Variants in BCAT1 observed in about 807,000 individuals in gnomAD.
The protein encoded by BCAT1 is branched-chain-amino-acid aminotransferase, cytosolic.
In BCAT1, 48 loss-of-function variants were observed where a neutral mutation model predicts 52.4. The ratio of observed to expected loss-of-function variants is 0.92; its 90% confidence interval spans 0.73 to 1.16. BCAT1 has a LOEUF of 1.16. Ranked by LOEUF, BCAT1 falls within the 50% of genes most tolerant of loss-of-function variation. The probability of loss-of-function intolerance (pLI) is 0.00; values close to 1 mark genes in which losing one functional copy is unlikely to be tolerated. For synonymous variants in BCAT1, 167 were observed against 161.3 expected, an observed-to-expected ratio of 1.04 and a Z score of -0.27; for missense variants, 451 against 457.1, an observed-to-expected ratio of 0.99 and a Z score of 0.12.
chr12:24,839,756 ACT>A (rs1941120177), intron 7 of BCAT1, among the ~76,000 whole-genome samples: 1 of 151,770 alleles, frequency 6.6e-6, no homozygotes, highest in Admixed American at 6.6e-5. Flanking sequence ...TACCGAAAGA[ACT>A]CTGTTTATAC....
At chr12:24,829,023 A>G (rs747578532) in intron 10 of BCAT1, among the ~76,000 whole-genome samples, 3 of 15,122 alleles carry the variant, frequency 2.0e-4, no homozygotes, top group Non-Finnish European at 3.7e-4. Flanking sequence ...AAATAAGTAA[A>G]TAAATAAATA....
intron 3 of BCAT1, among the ~76,000 whole-genome samples, chr12:24,886,280 T>C (rs1421264413): frequency 6.6e-6 from 1 of 152,104 alleles, no homozygotes; most frequent in Non-Finnish European, 1.5e-5. Flanking sequence ...TAGCTGAGCA[T>C]GGTGCTGCAC....
intron 1 of BCAT1, chr12:24,902,578 G>C: frequency 2.4e-6 from 1 of 421,432 alleles, no homozygotes; most frequent in Non-Finnish European, 3.7e-6. Context: ...TGGGGTGGCA[G>C]AGTCACGTAG....
At position 24,836,963 on chromosome 12, in the gene BCAT1, A is replaced by AAGAAAAC. The variant is rs1565454821; in HGVS notation, c.818-368_818-367insGTTTTCT. ...GAAAGAAAGAAAGAAAGAAAAGAGAAAGAAAGAAAGAGAGAGAGGGAGGGA... is the reference window on the plus strand; with the variant it reads ...GAAAGAAAGAAAGAAAGAAAAGAGAAAGAAAACAGAAAGAAAGAGAGAGAGGGAGGGA... On this transcript the variant is annotated intron_variant, in intron 7 of 10. Transcript: ENST00000261192. Among the ~76,000 whole-genome samples the AAGAAAAC allele has an allele frequency of 1.2e-4, 13 of 104,826 alleles. 2 individuals carry two copies. The highest frequency in any genetic ancestry group is 1.6e-4 in the Non-Finnish European group (8 of 48,864). The allele number at this position is 104,826 out of a possible 152,430, so 68.8% of individuals were successfully genotyped here.
chr12:24,934,558 T>C (rs574359266), intron 1 of BCAT1, among the ~76,000 whole-genome samples: 74 of 152,300 alleles, frequency 4.9e-4, no homozygotes, highest in African/African-American at 1.6e-3. Flanking sequence ...CAAACTTTTC[T>C]TTTTATTTTT....
intron 1 of BCAT1, chr12:24,902,746 G>C: frequency 1.3e-6 from 1 of 768,390 alleles, no homozygotes; most frequent in Non-Finnish European, 2.0e-6. Context: ...GAACCTCGAA[G>C]AGGTGGAGAT....
At position 24,829,818 on chromosome 12, in the gene BCAT1, T is replaced by A; in HGVS notation, c.1119+5A>T. 1 of 1,596,222 alleles carries A rather than the reference T, an allele frequency of 6.3e-7. No individual in the cohort carries two copies. Among genetic ancestry groups the A allele is most frequent in the African/African-American group, 1.3e-5 (1 of 74,296 alleles). On this transcript the variant is annotated splice_donor_5th_base_variant and intron_variant, in intron 10 of 10. Transcript: ENST00000261192. Reference sequence around the variant, plus strand: ...AAAGAAAAGAAAAGAAAAGAAAAGCTTTACCTGGATATCAGTTAATTTGCT... The same window carrying A: ...AAAGAAAAGAAAAGAAAAGAAAAGCATTACCTGGATATCAGTTAATTTGCT...
intron 1 of BCAT1, among the ~76,000 whole-genome samples, chr12:24,934,844 T>A (rs1353351079): frequency 6.6e-6 from 1 of 152,194 alleles, no homozygotes; most frequent in Non-Finnish European, 1.5e-5. Flanking sequence ...GATACAAATT[T>A]TTCCTCCTTG....
intron 1 of BCAT1, among the ~76,000 whole-genome samples, chr12:24,921,123 T>C (rs1943495346): frequency 6.6e-6 from 1 of 152,088 alleles, no homozygotes; most frequent in African/African-American, 2.4e-5. Flanking sequence ...GTCCATTCCC[T>C]TTGGATTTTC....
rs142785993 is a variant in BCAT1 at position 24,887,470 on chromosome 12, G to A, written c.280-6059C>T. ...ATATACATTTTTTCATTTACATGAA[G>A]TTCAAAAAGAGGCAAAACTATAGTG... On this transcript the variant is annotated intron_variant, in intron 3 of 10. Coordinates refer to ENST00000261192, the MANE Select transcript of BCAT1 (RefSeq NM_005504.7). Among the ~76,000 whole-genome samples, 405 of 152,246 alleles carry A rather than the reference G, an allele frequency of 2.7e-3. 3 individuals carry two copies. Among genetic ancestry groups the A allele is most frequent in the African/African-American group, 9.2e-3 (384 of 41,528 alleles).
intron 4 of BCAT1, among the ~76,000 whole-genome samples, chr12:24,879,726 C>G (rs1378281341): frequency 6.6e-6 from 1 of 152,166 alleles, no homozygotes; most frequent in Non-Finnish European, 1.5e-5. Flanking sequence ...AATTTCTTGC[C>G]CTGTCCTTTT....
intron 10 of BCAT1, among the ~76,000 whole-genome samples, chr12:24,820,188 C>A (rs1940056980): frequency 6.6e-6 from 1 of 152,164 alleles, no homozygotes; most frequent in South Asian, 2.1e-4. Flanking sequence ...GGCCACATAT[C>A]ACTCTGCGAA....
At chr12:24,938,706 C>T (rs1018915852) in intron 1 of BCAT1, among the ~76,000 whole-genome samples, 8 of 152,048 alleles carry the variant, frequency 5.3e-5, no homozygotes, top group African/African-American at 1.7e-4. Context: ...TACAAGTGCT[C>T]TTACCCCCAT....
chr12:24,917,056 AT>A (rs1160979367), intron 1 of BCAT1, among the ~76,000 whole-genome samples: 4 of 152,212 alleles, frequency 2.6e-5, no homozygotes. Context: ...CATAAAAAAA[AT>A]CAGTAATGTT....
At chr12:24,834,129 C>G in intron 8 of BCAT1, 1 of 979,662 alleles carries the variant, frequency 1.0e-6, no homozygotes, top group Non-Finnish European at 1.2e-6. Context: ...CACGGCTTAC[C>G]TATATCTTTT....
At chr12:24,861,193 C>A (rs889768910) in intron 5 of BCAT1, among the ~76,000 whole-genome samples, 1 of 152,236 alleles carries the variant, frequency 6.6e-6, no homozygotes, top group African/African-American at 2.4e-5. Context: ...TCCTATGAAC[C>A]AACCAGTGAT....
chr12:24,919,464 G>A (rs1347865061), intron 1 of BCAT1, among the ~76,000 whole-genome samples: 1 of 152,022 alleles, frequency 6.6e-6, no homozygotes, highest in Non-Finnish European at 1.5e-5. Context: ...ATAAAGCTTG[G>A]GTAAACCACC....
intron 6 of BCAT1, among the ~76,000 whole-genome samples, chr12:24,847,665 A>C (rs932595090): frequency 6.6e-6 from 1 of 152,196 alleles, no homozygotes; most frequent in African/African-American, 2.4e-5. Context: ...AAATTAACCA[A>C]GGAATCACCT....
chr12:24,895,077 A>C (rs1166779409), intron 2 of BCAT1, among the ~76,000 whole-genome samples: 1 of 152,238 alleles, frequency 6.6e-6, no homozygotes, highest in East Asian at 1.9e-4. Flanking sequence ...TGTGGAGGAA[A>C]CAGTGAACAA....
Sources: allele counts gnomAD v4.1 joint callset (sites outside exome capture counted in the v4.1 genomes callset), GRCh38; gene constraint gnomAD v4.1.1; transcripts MANE v1.5; gene names NCBI Gene and HGNC (gene_info 2026-07-23, HGNC 2026-07-21).